The following TMCC2 variants were observed in gnomAD, a reference collection of about 807,000 sequenced individuals.
TMCC2 encodes transmembrane and coiled-coil domain family 2.
Under a neutral mutation model 49.4 loss-of-function variants are expected in TMCC2, and 16 were observed. The ratio of observed to expected loss-of-function variants is 0.32; its 90% confidence interval spans 0.22 to 0.49. The LOEUF (loss-of-function observed/expected upper bound fraction) is 0.49. TMCC2 is among the 20% of genes least tolerant of loss of function. The pLI is 0.99. For missense variants in TMCC2, 762 were observed against 989.8 expected (o/e 0.77, Z 3.09); for synonymous variants, 397 against 434.1 (o/e 0.91, Z 1.06).
chr1:205,253,558 A>G (rs1399791701), intron 2 of TMCC2, among the ~76,000 whole-genome samples: 1 of 152,236 alleles, frequency 6.6e-6, no homozygotes, highest in Non-Finnish European at 1.5e-5. Context: ...TGTGGCCTCC[A>G]TCTCTGCCAG....
chr1:205,239,537 G>C (rs1169422173), intron 1 of TMCC2, among the ~76,000 whole-genome samples: 1 of 152,228 alleles, frequency 6.6e-6, no homozygotes, highest in Non-Finnish European at 1.5e-5. Flanking sequence ...TTCAGTTCTT[G>C]AGAAGGAATC....
At position 205,230,796 on chromosome 1, in the gene TMCC2, G is replaced by A. The variant is rs538010279; in HGVS notation, c.207+2025G>A. 2.2e-4 allele frequency among the ~76,000 whole-genome samples: 33 copies of A among 152,116 alleles called. No homozygotes were observed. In the Middle Eastern group the frequency reaches 0.01, roughly 47 times the overall value. ...AGAGGGACGCCTTAAGGGATGCCAC[G>A]TTTCCACTCTCCTGTATTATCTTTT... is the stretch of plus-strand genomic sequence containing the variant. On this transcript the variant is annotated intron_variant, in intron 1 of 4. Coordinates refer to ENST00000358024, the MANE Select transcript of TMCC2 (RefSeq NM_014858.4).
chr1:205,269,079 C>T lies in TMCC2; in HGVS notation c.877C>T (p.His293Tyr). ...GACCAAGGCCGCCATTGACCACCTGCACCAGAAGATCCTGAAGATCACCGA... is the reference window on the plus strand; with the variant it reads ...GACCAAGGCCGCCATTGACCACCTGTACCAGAAGATCCTGAAGATCACCGA... ...QRTKAAIDHL[H>Y]QKILKITEQI... is the part of the protein sequence containing the mutation. Residue 293 changes from histidine to tyrosine, a missense_variant, in exon 3 of 5, where the codon CAC becomes TAC. Physicochemically the swap from His to Tyr is moderately conservative, Grantham distance 83 (BLOSUM62 2). Transcript: ENST00000358024. The T allele has an allele frequency of 6.2e-7, 1 of 1,613,948 alleles. No homozygotes were observed. The highest frequency in any genetic ancestry group is 1.3e-5 in the African/African-American group (1 of 75,056).
At position 205,235,896 on chromosome 1, in the gene TMCC2, C is replaced by T. The variant is rs147891363; in HGVS notation, c.208-5609C>T. ...CAGCCTGGCCAGCATGGTGAAACCC[C>T]GTCTCTACTAAAAATACAAAAAATT... On this transcript the variant is annotated intron_variant, in intron 1 of 4. Coordinates refer to ENST00000358024, the MANE Select transcript of TMCC2 (RefSeq NM_014858.4). Among the ~76,000 whole-genome samples the T allele has an allele frequency of 5.8e-3, 887 of 152,038 alleles. 14 individuals carry two copies. Among genetic ancestry groups the T allele is most frequent in the African/African-American group, 0.02 (841 of 41,440 alleles).
Position 205,267,810 on chromosome 1 carries a change from A to G in TMCC2, c.748-1140A>G, listed in dbSNP as rs1661406069. On this transcript the variant is annotated intron_variant, in intron 2 of 4. Coordinates refer to ENST00000358024, the MANE Select transcript of TMCC2 (RefSeq NM_014858.4). ...AGCCTGCCCGCCTGGTGGGGAGTGA[A>G]GGGGGCTGTCATTTCCTTCCTACGC... 3.2e-6 allele frequency: 3 copies of G among 925,120 alleles called. No homozygotes were observed. In the South Asian group the frequency reaches 1.5e-4, roughly 46 times the overall value. 57.3% of individuals were successfully genotyped at this position (925,120 alleles called of 1,614,324 possible).
chr1:205,235,814 A>T (rs1357462471), intron 1 of TMCC2, among the ~76,000 whole-genome samples: 1 of 152,198 alleles, frequency 6.6e-6, no homozygotes, highest in African/African-American at 2.4e-5. Context: ...TCACGCCTGT[A>T]ATCCCAGCAC....
intron 2 of TMCC2, 61 bp from the exon 3 acceptor site, chr1:205,268,889 C>G (rs553661065): frequency 5.2e-6 from 8 of 1,538,876 alleles, no homozygotes. Context: ...CAGAGGCATC[C>G]AGGGGCACTC....
At chr1:205,267,940 C>T (rs933257285) in intron 2 of TMCC2, 1 of 983,408 alleles carries the variant, frequency 1.0e-6, no homozygotes, top group African/African-American at 1.8e-5. Context: ...CCTCGGGGAC[C>T]TGGCCAGCAG....
At chr1:205,252,140 TA>T (rs1277815820) in intron 2 of TMCC2, among the ~76,000 whole-genome samples, 5 of 152,204 alleles carry the variant, frequency 3.3e-5, no homozygotes, top group African/African-American at 7.2e-5. Flanking sequence ...TTGATTTGCC[TA>T]AAAGTGACCT....
chr1:205,269,690 G>A lies in TMCC2; in HGVS notation c.1488G>A (p.Gly496=), dbSNP rs1438182733. Reference sequence around the variant, plus strand: ...GGGCAGGCAGCAACTCTGGGGCTGGGCCTGGTGGGGCGCTGGGGAGCCCTA... The same window carrying A: ...GGGCAGGCAGCAACTCTGGGGCTGGACCTGGTGGGGCGCTGGGGAGCCCTA... ...SAGAGSNSGA[G]PGGALGSPKS... The change falls in exon 3 of 5, where the codon GGG becomes GGA. Residue 496 remains glycine, a synonymous_variant. Transcript: ENST00000358024. The A allele has an allele frequency of 1.9e-6, 3 of 1,614,082 alleles. No individual in the cohort carries two copies. Among genetic ancestry groups the A allele is most frequent in the African/African-American group, 1.3e-5 (1 of 75,068 alleles).
At chr1:205,256,792 C>T (rs560994387) in intron 2 of TMCC2, among the ~76,000 whole-genome samples, 1 of 152,274 alleles carries the variant, frequency 6.6e-6, no homozygotes, top group South Asian at 2.1e-4. Flanking sequence ...GGCTGGGAGG[C>T]TCACTTCCAT....
At chr1:205,242,105 C>G (rs979041014) in intron 2 of TMCC2, 61 bp downstream of exon 2, 7 of 1,496,778 alleles carry the variant, frequency 4.7e-6, no homozygotes, top group Middle Eastern at 2.5e-4. Context: ...GCTGAGGGGC[C>G]TTGAGACCTG....
chr1:205,257,407 C>T (rs1027024582), intron 2 of TMCC2: 23 of 1,231,658 alleles, frequency 1.9e-5, no homozygotes, highest in African/African-American at 1.1e-4. Flanking sequence ...TTTCACCGGG[C>T]GGGGTGGAGT....
At chr1:205,263,809 T>C (rs1661213080) in intron 2 of TMCC2, among the ~76,000 whole-genome samples, 1 of 152,228 alleles carries the variant, frequency 6.6e-6, no homozygotes, top group Admixed American at 6.5e-5. Context: ...AGACTCTTGC[T>C]TCCTAAAAAG....
chr1:205,266,874 C>T (rs1444092645), intron 2 of TMCC2, among the ~76,000 whole-genome samples: 5 of 152,132 alleles, frequency 3.3e-5, no homozygotes, highest in Admixed American at 6.5e-5. Context: ...TTTTTGTCGG[C>T]GAGGACACTG....
At chr1:205,247,710 T>A (rs1458131205) in intron 2 of TMCC2, among the ~76,000 whole-genome samples, 1 of 152,136 alleles carries the variant, frequency 6.6e-6, no homozygotes, top group Non-Finnish European at 1.5e-5. Context: ...CTCTGCAAGA[T>A]CCCTGGCGGT....
intron 1 of TMCC2, among the ~76,000 whole-genome samples, chr1:205,239,428 A>T (rs879543341): frequency 2.6e-5 from 4 of 152,092 alleles, no homozygotes; most frequent in Non-Finnish European, 4.4e-5. Flanking sequence ...GATTCAGGTG[A>T]GCCTTGTGAC....
At chr1:205,242,429 T>G (rs537068455) in intron 2 of TMCC2, among the ~76,000 whole-genome samples, 2 of 152,208 alleles carry the variant, frequency 1.3e-5, no homozygotes, top group Admixed American at 1.3e-4. Flanking sequence ...CAATTGAAAA[T>G]GAGGATAATA....
chr1:205,269,275 G>A lies in TMCC2; in HGVS notation c.1073G>A (p.Arg358His), dbSNP rs767698690. Residue 358 changes from arginine to histidine, a missense_variant, in exon 3 of 5, where the codon CGC (arginine) becomes CAC (histidine). Physicochemically the swap from Arg to His is conservative, Grantham distance 29 (BLOSUM62 0). Transcript: ENST00000358024. ...AQLHKKLEHY[R>H]RRLKEIEQNG... The stretch of plus-strand genomic sequence containing the variant: ...CTGCACAAGAAGCTGGAGCACTACC[G>A]CCGGCGCCTGAAGGAGATTGAGCAG... The A allele has an allele frequency of 2.0e-5, 32 of 1,613,598 alleles. No homozygotes were observed. Among genetic ancestry groups the A allele is most frequent in the African/African-American group, 1.1e-4 (8 of 74,942 alleles).
Sources: gnomAD v4.1 joint callset for allele counts (sites outside exome capture counted in the v4.1 genomes callset) on GRCh38, gnomAD v4.1.1 for gene constraint, MANE v1.5 for transcripts, NCBI Gene and HGNC (gene_info 2026-07-23, HGNC 2026-07-21) for gene names.